TGS1: variants seen among roughly 807,000 people sequenced by gnomAD.
The protein encoded by TGS1 is trimethylguanosine synthase 1, also known as trimethylguanosine synthase.
A neutral mutation model predicts 92.2 loss-of-function variants in TGS1; 69 were observed. That is an observed-to-expected ratio of 0.75 (90% CI 0.62 to 0.91). The LOEUF is 0.91. Among genes scored for constraint, TGS1 ranks in the 40% least tolerant of loss-of-function variants. The pLI is 0.00. For missense variants in TGS1, 1,062 were observed against 1,001.2 expected (o/e 1.06, Z -0.82); for synonymous variants, 345 against 338.1 (o/e 1.02, Z -0.22).
intron 1 of TGS1, 58 bp downstream of exon 1, chr8:55,773,777 G>C (rs567104904): frequency 7.2e-6 from 10 of 1,393,324 alleles, no homozygotes; most frequent in Admixed American, 5.8e-5. Context: ...AGAAATGTAG[G>C]TATTGCAAAC....
chr8:55,807,015 G>A (rs981126665), intron 10 of TGS1, among the ~76,000 whole-genome samples: 7 of 150,394 alleles, frequency 4.7e-5, no homozygotes, highest in African/African-American at 1.7e-4. Context: ...TGCAAACTCC[G>A]CCTCCCGAGT....
intron 7 of TGS1, among the ~76,000 whole-genome samples, 158 bp from the exon 8 acceptor site, chr8:55,798,756 T>A (rs965043550): frequency 3.3e-5 from 5 of 152,102 alleles, no homozygotes; most frequent in Admixed American, 6.5e-5. Context: ...TCTGATTAGG[T>A]CAGAATTACT....
intron 10 of TGS1, among the ~76,000 whole-genome samples, chr8:55,807,826 G>A (rs1348167773): frequency 6.6e-6 from 1 of 152,062 alleles, no homozygotes; most frequent in Non-Finnish European, 1.5e-5. Context: ...ACCACACTGA[G>A]ACAAGAAGCA....
intron 1 of TGS1, among the ~76,000 whole-genome samples, chr8:55,779,749 T>G (rs1391341004): frequency 6.6e-6 from 1 of 152,232 alleles, no homozygotes; most frequent in Middle Eastern, 3.2e-3. Flanking sequence ...CAATTGGATT[T>G]GAATCAGAAT....
intron 11 of TGS1, 76 bp downstream of exon 11, chr8:55,811,173 G>T: frequency 1.7e-6 from 1 of 588,430 alleles, no homozygotes. Context: ...GAGAGAGGGA[G>T]TGTGGGTGGG....
At chr8:55,820,741 A>G (rs1803614313) in intron 12 of TGS1, among the ~76,000 whole-genome samples, 2 of 152,112 alleles carry the variant, frequency 1.3e-5, no homozygotes, top group Admixed American at 6.6e-5. Context: ...ATTAATTGGG[A>G]TTTATTTTGG....
intron 12 of TGS1, among the ~76,000 whole-genome samples, chr8:55,814,522 T>C (rs745576372): frequency 4.0e-5 from 6 of 151,730 alleles, no homozygotes; most frequent in Non-Finnish European, 4.4e-5. Flanking sequence ...GTATGTGTTA[T>C]ACCAGTTATA....
chr8:55,789,882 C>A (rs1192405929), intron 4 of TGS1, among the ~76,000 whole-genome samples: 2 of 152,170 alleles, frequency 1.3e-5, no homozygotes, highest in Non-Finnish European at 2.9e-5. Context: ...AGGTTACAGT[C>A]TTTTTATACC....
chr8:55,814,638 T>C (rs867185769), intron 12 of TGS1, among the ~76,000 whole-genome samples: 3 of 139,544 alleles, frequency 2.1e-5, no homozygotes, highest in African/African-American at 5.4e-5. Flanking sequence ...CTGGCCAACA[T>C]GGCAAAACCC....
chr8:55,806,253 G>C (rs957041814), intron 10 of TGS1, among the ~76,000 whole-genome samples: 1 of 151,286 alleles, frequency 6.6e-6, no homozygotes, highest in African/African-American at 2.4e-5. Context: ...CTACTCAGGA[G>C]GCTGAGACAA....
At position 55,786,813 on chromosome 8, in the gene TGS1, T is replaced by A; in HGVS notation, c.915T>A (p.Asp305Glu). The change falls in exon 4 of 13, where the codon GAT becomes GAA. Residue 305 changes from aspartate to glutamate, a missense_variant. Transcript: ENST00000260129. Reference sequence around the variant, plus strand: ...CTTCACCTATTATGGTTGATAATGATAGCTCTGGTACAAGTGATAAGGATC... The same window carrying A: ...CTTCACCTATTATGGTTGATAATGAAAGCTCTGGTACAAGTGATAAGGATC... Reference protein sequence around the residue: ...FPSSPIMVDNDSSGTSDKDHS... With the variant: ...FPSSPIMVDNESSGTSDKDHS... 1 of 1,614,186 alleles carries A rather than the reference T, an allele frequency of 6.2e-7. No individual in the cohort carries two copies. Among genetic ancestry groups the A allele is most frequent in the Non-Finnish European group, 8.5e-7 (1 of 1,180,016 alleles).
rs771352208 is a variant in TGS1, at chr8:55,813,056, CT to C, written c.2380del (p.Ser794LeufsTer24). The C allele has an allele frequency of 1.2e-6, 2 of 1,609,010 alleles. No individual in the cohort carries two copies. Among genetic ancestry groups the C allele is most frequent in the Non-Finnish European group, 1.7e-6 (2 of 1,176,386 alleles). On this transcript the variant is annotated frameshift_variant, in exon 12 of 13. Transcript: ENST00000260129. LOFTEE classifies it high-confidence loss of function. ...GCTGTCCACCTTTGAAATTTTCAGACTTTCTAAGAAGATCACTAATAATATT... is the reference window on the plus strand; with the variant it reads ...GCTGTCCACCTTTGAAATTTTCAGACTTCTAAGAAGATCACTAATAATATT... ...MSPDGFEIFR[L>X]SKKITNNIVY... is the part of the protein sequence containing the mutation.
intron 1 of TGS1, among the ~76,000 whole-genome samples, chr8:55,777,427 C>T (rs191421529): frequency 6.6e-6 from 1 of 152,254 alleles, no homozygotes; most frequent in East Asian, 1.9e-4. Flanking sequence ...GGATGTCTCC[C>T]CTTAGTAATT....
rs1254531524 is a variant in TGS1 at position 55,814,674 on chromosome 8, A to AAATATATATAT, written c.2439+1557_2439+1558insATATATATATA. ...CGTCTCTACTTAAAAAAAAAAAAAA[A>AAATATATATAT]ATATATATATATATATATATATATG... On this transcript the variant is annotated intron_variant, in intron 12 of 12. Coordinates refer to ENST00000260129, the MANE Select transcript of TGS1 (RefSeq NM_024831.8). 1.3e-4 allele frequency among the ~76,000 whole-genome samples: 16 copies of AAATATATATAT among 123,328 alleles called. No homozygotes were observed. The East Asian group carries it at 2.6e-3, about 20-fold the overall frequency. 80.9% of individuals were successfully genotyped at this position (123,328 alleles called of 152,430 possible). A position where few individuals can be genotyped will look rare whatever the true frequency, so the allele number is the denominator to read the frequency against.
rs1216009424 is a variant in TGS1 at position 55,825,640 on chromosome 8, A to G, written c.*937A>G. The stretch of plus-strand genomic sequence containing the variant: ...TGGGATAAGATTAGAGAATTGAAAC[A>G]AATTTGGGGAATTTCCAATAAATAC... On this transcript the variant is annotated 3_prime_UTR_variant, in exon 13 of 13. Transcript: ENST00000260129. 6.6e-6 allele frequency among the ~76,000 whole-genome samples: 1 copy of G among 152,212 alleles called. No homozygotes were observed. Among genetic ancestry groups the G allele is most frequent in the Non-Finnish European group, 1.5e-5 (1 of 68,038 alleles).
At chr8:55,805,961 AGATGAGAG>A (rs150513102) in intron 10 of TGS1, among the ~76,000 whole-genome samples, 26,247 of 150,302 alleles carry the variant, frequency 0.17, 2,879 homozygotes, top group Non-Finnish European at 0.24. Flanking sequence ...ACTCAGGCTG[AGATGAGAG>A]GATGACCTGA....
At chr8:55,803,091 A>G (rs1031874147) in intron 9 of TGS1, among the ~76,000 whole-genome samples, 2 of 151,892 alleles carry the variant, frequency 1.3e-5, no homozygotes, top group African/African-American at 2.4e-5. Flanking sequence ...CAAAGGATCA[A>G]TGGCCATTTA....
chr8:55,790,733 G>A (rs116248174), intron 5 of TGS1, among the ~76,000 whole-genome samples: 2,270 of 152,188 alleles, frequency 0.015, 65 homozygotes, highest in African/African-American at 0.051. Context: ...TGCCCAGGCT[G>A]ATCTCAAACT....
intron 12 of TGS1, among the ~76,000 whole-genome samples, chr8:55,818,710 T>A (rs989595107): frequency 1.3e-5 from 2 of 152,234 alleles, no homozygotes; most frequent in South Asian, 4.1e-4. Context: ...CTTCTAAATA[T>A]AGCTTGTATC....
Sources: gnomAD v4.1 joint callset for allele counts (sites outside exome capture counted in the v4.1 genomes callset) on GRCh38, gnomAD v4.1.1 for gene constraint, MANE v1.5 for transcripts, NCBI Gene and HGNC (gene_info 2026-07-23, HGNC 2026-07-21) for gene names.